The following AK3 variants were observed in gnomAD, a reference collection of about 807,000 sequenced individuals.
AK3 encodes adenylate kinase 3.
A neutral mutation model predicts 23.7 loss-of-function variants in AK3; 27 were observed. That is an observed-to-expected ratio of 1.14 (90% CI 0.84 to 1.57). The LOEUF (loss-of-function observed/expected upper bound fraction) is 1.57. Ranked by LOEUF, AK3 falls within the 40% of genes most tolerant of loss-of-function variation. The pLI is 0.00. For missense variants in AK3, 406 were observed against 285.6 expected (o/e 1.42, Z -3.04); for synonymous variants, 159 against 116.0 (o/e 1.37, Z -2.38).
At chr9:4,715,233 A>AAAG (rs1554624867) in intron 4 of AK3, among the ~76,000 whole-genome samples, 2 of 148,720 alleles carry the variant, frequency 1.3e-5, no homozygotes, top group African/African-American at 2.5e-5. Context: ...AAAAAAAAAA[A>AAAG]AAAGAAAGAA....
Position 4,741,165 on chromosome 9 carries a change from C to A in AK3, c.-78G>T. The A allele has an allele frequency of 2.3e-6, 3 of 1,309,460 alleles. No homozygotes were observed. The highest frequency in any genetic ancestry group is 1.6e-5 in the African/African-American group (1 of 64,336). The allele number at this position is 1,309,460 out of a possible 1,614,324, so 81.1% of individuals were successfully genotyped here. A position where few individuals can be genotyped will look rare whatever the true frequency, so the allele number is the denominator to read the frequency against. On this transcript the variant is annotated 5_prime_UTR_variant, in exon 1 of 5. Transcript: ENST00000381809. Reference sequence around the variant, plus strand: ...GCGCGCTCACCCGCTCGGCAGCCTGCGCCGGCCGGCTAGCAGCGCCACTAG... The same window carrying A: ...GCGCGCTCACCCGCTCGGCAGCCTGAGCCGGCCGGCTAGCAGCGCCACTAG...
Position 4,718,448 on chromosome 9 carries a change from G to C in AK3, c.534C>G (p.Asp178Glu), listed in dbSNP as rs773391830. The C allele has an allele frequency of 3.1e-6, 5 of 1,612,896 alleles. No individual in the cohort carries two copies. The change falls in exon 4 of 5, where the codon GAC (aspartate) becomes GAG (glutamate). Residue 178 changes from aspartate to glutamate, a missense_variant. Physicochemically the swap from Asp to Glu is conservative, Grantham distance 45. Coordinates refer to ENST00000381809, the MANE Select transcript of AK3 (RefSeq NM_016282.4). ...AATATTCCAGGACTGGCTTTGTTTG[G>C]TCTTCATAAGCCTTTAGTCTCTTGA... ...TVIKRLKAYE[D>E]QTKPVLEYYQ... is the part of the protein sequence containing the mutation.
chr9:4,725,138 C>G (rs943624734), intron 1 of AK3, among the ~76,000 whole-genome samples: 2 of 151,636 alleles, frequency 1.3e-5, no homozygotes, highest in Admixed American at 1.3e-4. Flanking sequence ...ATTCTCCTGC[C>G]TCAGCCTCCC....
At chr9:4,738,446 G>A (rs1312331159) in intron 1 of AK3, among the ~76,000 whole-genome samples, 1 of 152,282 alleles carries the variant, frequency 6.6e-6, no homozygotes, top group Admixed American at 6.5e-5. Context: ...GATTACAGGC[G>A]TGAGACACCC....
At position 4,713,006 on chromosome 9, in the gene AK3, T is replaced by C; in HGVS notation, c.654A>G (p.Gln218=). ...GAGTAACTGAAGCTTTCTGGCTTCT[T>C]TGTGGAACTTTAGTTTGTAGGAAAG... is the stretch of plus-strand genomic sequence containing the variant. ...VYAFLQTKVP[Q]RSQKASVTP is the part of the protein sequence containing the mutation. Residue 218 remains glutamine (Q), a synonymous_variant, in exon 5 of 5, where the codon CAA becomes CAG. Transcript: ENST00000381809. 1 of 1,613,748 alleles carries C rather than the reference T, an allele frequency of 6.2e-7. No homozygotes were observed. The highest frequency in any genetic ancestry group is 1.1e-5 in the South Asian group (1 of 91,062).
intron 1 of AK3, among the ~76,000 whole-genome samples, chr9:4,727,372 G>A (rs1301332490): frequency 2.6e-5 from 4 of 152,164 alleles, no homozygotes; most frequent in Non-Finnish European, 5.9e-5. Flanking sequence ...CTTCATCAAT[G>A]ATCTTAGCTA....
At chr9:4,721,158 T>A (rs1841885066) in intron 2 of AK3, among the ~76,000 whole-genome samples, 1 of 152,146 alleles carries the variant, frequency 6.6e-6, no homozygotes, top group Non-Finnish European at 1.5e-5. Flanking sequence ...ATCCCAGCAC[T>A]TTTGGAGGCT....
chr9:4,741,353 GCAA>G, upstream of AK3: 1 of 336,812 alleles, frequency 3.0e-6, no homozygotes, highest in Admixed American at 4.9e-5. Flanking sequence ...CGCAAGCCGC[GCAA>G]GCCGCGCCCC....
intron 1 of AK3, among the ~76,000 whole-genome samples, chr9:4,729,849 A>AC: frequency 6.6e-6 from 1 of 151,192 alleles, no homozygotes; most frequent in Non-Finnish European, 1.5e-5. Flanking sequence ...AAAAAAAAAA[A>AC]GAAATATGTC....
At chr9:4,741,376 C>T (rs1842431800), upstream of AK3, 3 of 310,782 alleles carry the variant, frequency 9.7e-6, no homozygotes. Flanking sequence ...CCTCTGCGCT[C>T]GCTCGGCCGC....
At chr9:4,734,251 G>A (rs983519574) in intron 1 of AK3, among the ~76,000 whole-genome samples, 1 of 152,126 alleles carries the variant, frequency 6.6e-6, no homozygotes, top group Non-Finnish European at 1.5e-5. Flanking sequence ...AGGAAGAAGG[G>A]CCTCACCAGA....
intron 3 of AK3, 72 bp downstream of exon 3, chr9:4,719,063 C>G: frequency 6.4e-7 from 1 of 1,551,840 alleles, no homozygotes; most frequent in Middle Eastern, 2.4e-4. Flanking sequence ...CAAGTTCACT[C>G]AACTTATGTC....
intron 3 of AK3, 121 bp from the exon 4 acceptor site, chr9:4,718,658 A>G: frequency 1.4e-6 from 1 of 732,810 alleles, no homozygotes; most frequent in South Asian, 1.8e-5. Context: ...AAATGTGCTA[A>G]CTTTTAAAAA....
In AK3 at chr9:4,741,202, T is replaced by C. The variant is rs982806950; in HGVS notation, c.-115A>G. The C allele has an allele frequency of 1.7e-6, 2 of 1,191,724 alleles. No homozygotes were observed. The highest frequency in any genetic ancestry group is 2.2e-6 in the Non-Finnish European group (2 of 922,762). 73.8% of individuals were successfully genotyped at this position (1,191,724 alleles called of 1,614,324 possible). A position where few individuals can be genotyped will look rare whatever the true frequency, so the allele number is the denominator to read the frequency against. On this transcript the variant is annotated 5_prime_UTR_variant, in exon 1 of 5. Coordinates refer to ENST00000381809, the MANE Select transcript of AK3 (RefSeq NM_016282.4). ...AGCAGCGCCACTAGCAGGCGGCTAC[T>C]GCGGTTCCCCGGCGTTCCCGGAAGT... is the stretch of plus-strand genomic sequence containing the variant.
At chr9:4,713,982 A>ACCTCCACATATACG (rs1841636569) in intron 4 of AK3, among the ~76,000 whole-genome samples, 3 of 5,364 alleles carry the variant, frequency 5.6e-4, no homozygotes, top group Admixed American at 1.6e-3. Context: ...ACATTTACAC[A>ACCTCCACATATACG]CCTACACATA....
At position 4,711,565 on chromosome 9, in the gene AK3, T is replaced by C. The variant is rs757852350; in HGVS notation, c.*1411A>G. The C allele has an allele frequency of 3.9e-5, 6 of 152,448 alleles. No homozygotes were observed. The highest frequency in any genetic ancestry group is 2.9e-5 in the Non-Finnish European group (2 of 68,032). 9.4% of individuals were successfully genotyped at this position (152,448 alleles called of 1,614,324 possible). Reference sequence around the variant, plus strand: ...CACTTACTGGCACTTGTATTTTAAGTACCTGGGAAAAAAACGGAACAGATT... The same window carrying C: ...CACTTACTGGCACTTGTATTTTAAGCACCTGGGAAAAAAACGGAACAGATT... On this transcript the variant is annotated 3_prime_UTR_variant, in exon 5 of 5. Coordinates refer to ENST00000381809, the MANE Select transcript of AK3 (RefSeq NM_016282.4).
chr9:4,737,311 T>C (rs1232378235), intron 1 of AK3, among the ~76,000 whole-genome samples: 1 of 152,202 alleles, frequency 6.6e-6, no homozygotes, highest in African/African-American at 2.4e-5. Flanking sequence ...CATCGTCTAA[T>C]TCATGTCTAT....
intron 1 of AK3, among the ~76,000 whole-genome samples, chr9:4,735,079 G>A (rs11795106): frequency 0.29 from 43,729 of 150,990 alleles, 7,683 homozygotes; most frequent in Non-Finnish European, 0.37. Flanking sequence ...TTCTAAAATT[G>A]ATTATTAAAG....
Position 4,740,930 on chromosome 9 carries a change from C to T in AK3, c.151+7G>A, listed in dbSNP as rs750870747. The T allele has an allele frequency of 1.2e-5, 19 of 1,556,212 alleles. No homozygotes were observed. The Admixed American group carries it at 3.0e-4, about 25-fold the overall frequency. On this transcript the variant is annotated splice_region_variant and intron_variant, in intron 1 of 4. Coordinates refer to ENST00000381809, the MANE Select transcript of AK3 (RefSeq NM_016282.4). ...CGCACGGCCGGCCCTGGGCCCAGAG[C>T]TCCCACCTGTGCCCCGCAGCATGTT...
Sources: allele counts gnomAD v4.1 joint callset (sites outside exome capture counted in the v4.1 genomes callset), GRCh38; gene constraint gnomAD v4.1.1; transcripts MANE v1.5; gene names NCBI Gene and HGNC (gene_info 2026-07-23, HGNC 2026-07-21).